The following TMEM131 variants were observed in gnomAD, a reference collection of about 807,000 sequenced individuals.
The protein encoded by TMEM131 is 2610524E03Rik.
TMEM131 carries 66 observed loss-of-function variants against 211.6 expected under a neutral mutation model. That is an observed-to-expected ratio of 0.31 (90% CI 0.26 to 0.38). The LOEUF is 0.38. Ranked by LOEUF, TMEM131 falls within the 10% of genes least tolerant of loss-of-function variation. TMEM131 has a pLI of 1.00. For synonymous variants in TMEM131, 844 were observed against 841.3 expected (o/e 1.00, Z -0.06); for missense variants, 2,036 against 2,299.3 (o/e 0.89, Z 2.34).
chr2:97,826,600 C>A (rs142927241), intron 11 of TMEM131, among the ~76,000 whole-genome samples: 4,441 of 138,164 alleles, frequency 0.032, 80 homozygotes, highest in Middle Eastern at 0.067. Flanking sequence ...GAGACAGAGA[C>A]AAAGAGGAAG....
Position 97,776,025 on chromosome 2 carries a change from A to AT in TMEM131, c.4145-8dup. On this transcript the variant is annotated splice_polypyrimidine_tract_variant and splice_region_variant and intron_variant, in intron 31 of 40. Coordinates refer to ENST00000186436, the MANE Select transcript of TMEM131 (RefSeq NM_015348.2). ...TGAAGAGGTTTTCCTTTCCCTGAGGATAAAAATTAAAGTAAAAGAACTCTT... is the reference window on the plus strand; with the variant it reads ...TGAAGAGGTTTTCCTTTCCCTGAGGATTAAAAATTAAAGTAAAAGAACTCTT... The AT allele has an allele frequency of 6.3e-7, 1 of 1,596,056 alleles. No homozygotes were observed. The highest frequency in any genetic ancestry group is 8.5e-7 in the Non-Finnish European group (1 of 1,174,854).
intron 3 of TMEM131, among the ~76,000 whole-genome samples, chr2:97,901,819 T>C (rs1211615519): frequency 6.6e-6 from 1 of 151,948 alleles, no homozygotes; most frequent in South Asian, 2.1e-4. Context: ...TGAAGAGAGG[T>C]AGGCTACTGG....
At chr2:97,923,639 A>T (rs1195766068) in intron 2 of TMEM131, among the ~76,000 whole-genome samples, 1 of 150,992 alleles carries the variant, frequency 6.6e-6, no homozygotes, top group African/African-American at 2.4e-5. Context: ...AAAAAAAAAA[A>T]AAAAAAAAAA....
rs77166002 is a variant in TMEM131 at position 97,982,031 on chromosome 2, C to T, written c.187+13445G>A. 3.9e-3 allele frequency among the ~76,000 whole-genome samples: 589 copies of T among 152,146 alleles called. 28 individuals are homozygous for T. In the East Asian group the frequency reaches 0.1, roughly 27 times the overall value. On this transcript the variant is annotated intron_variant, in intron 1 of 40. Coordinates refer to ENST00000186436, the MANE Select transcript of TMEM131 (RefSeq NM_015348.2). ...TTTTATGTGCAAGTTTTTGTGTTTT[C>T]GTTTCTTTGGAGTATATACTAAGGA...
At chr2:97,799,802 T>C (rs1307907159) in intron 25 of TMEM131, among the ~76,000 whole-genome samples, 1 of 152,216 alleles carries the variant, frequency 6.6e-6, no homozygotes, top group African/African-American at 2.4e-5. Flanking sequence ...AAATACTCCT[T>C]CTTTTTGTAA....
chr2:97,801,850 T>A, intron 25 of TMEM131, 45 bp downstream of exon 25: 1 of 1,381,000 alleles, frequency 7.2e-7, no homozygotes, highest in Non-Finnish European at 9.9e-7. Context: ...ATTGATCATA[T>A]TATAAAATAA....
intron 7 of TMEM131, among the ~76,000 whole-genome samples, chr2:97,839,783 A>G (rs553222812): frequency 6.6e-6 from 1 of 152,356 alleles, no homozygotes; most frequent in East Asian, 1.9e-4. Context: ...TGGCCACCCT[A>G]GCTGAATTAA....
At chr2:97,854,163 C>T (rs1673746049) in intron 5 of TMEM131, among the ~76,000 whole-genome samples, 1 of 152,202 alleles carries the variant, frequency 6.6e-6, no homozygotes, top group Non-Finnish European at 1.5e-5. Context: ...CCTGATCAGT[C>T]AGTGGCTGTC....
chr2:97,843,142 C>T (rs527307769), intron 6 of TMEM131, among the ~76,000 whole-genome samples: 44 of 151,528 alleles, frequency 2.9e-4, no homozygotes, highest in African/African-American at 1.0e-3. Flanking sequence ...GGCAGCACAG[C>T]ACAGTGGTAA....
At chr2:97,845,320 G>A (rs1683374414) in intron 5 of TMEM131, among the ~76,000 whole-genome samples, 1 of 151,946 alleles carries the variant, frequency 6.6e-6, no homozygotes, top group African/African-American at 2.4e-5. Context: ...CAGCTAACAT[G>A]TTTACACATT....
At chr2:97,779,274 G>A (rs915233312) in intron 31 of TMEM131, among the ~76,000 whole-genome samples, 1 of 152,332 alleles carries the variant, frequency 6.6e-6, no homozygotes, top group African/African-American at 2.4e-5. Flanking sequence ...GTTAGTGGGA[G>A]GGGAGACAAT....
At chr2:97,885,468 G>T (rs557512867) in intron 4 of TMEM131, among the ~76,000 whole-genome samples, 1 of 151,936 alleles carries the variant, frequency 6.6e-6, no homozygotes, top group Non-Finnish European at 1.5e-5. Flanking sequence ...GATTACAGGC[G>T]TGAGCCACCG....
chr2:97,801,813 T>C, intron 25 of TMEM131, 82 bp downstream of exon 25: 1 of 1,026,722 alleles, frequency 9.7e-7, no homozygotes, highest in Non-Finnish European at 1.4e-6. Context: ...AATTTAAGAG[T>C]AGCCAATAAT....
intron 1 of TMEM131, among the ~76,000 whole-genome samples, chr2:97,932,586 T>C (rs1345637769): frequency 6.6e-6 from 1 of 152,200 alleles, no homozygotes; most frequent in Non-Finnish European, 1.5e-5. Flanking sequence ...AAATTAATTT[T>C]ATAGCTAAAG....
chr2:97,995,391 G>A, intron 1 of TMEM131, 85 bp downstream of exon 1: 2 of 1,243,176 alleles, frequency 1.6e-6, no homozygotes, highest in Non-Finnish European at 2.0e-6. Context: ...CCCGGCCGCG[G>A]CCCTTCCTCC....
chr2:97,816,476 G>A (rs1573404340), intron 12 of TMEM131, among the ~76,000 whole-genome samples: 1 of 152,140 alleles, frequency 6.6e-6, no homozygotes. Flanking sequence ...TCCTCTTAGA[G>A]TACTTTAGGA....
rs1559345480 is a variant in TMEM131 at position 97,766,526 on chromosome 2, T to TGGAATGCAA, written c.4524_4525insTTGCATTCC (p.Pro1508_Thr1509insLeuHisSer). The stretch of plus-strand genomic sequence containing the variant: ...GATTTGGATCCACTTGTCATTGCAG[T>TGGAATGCAA]TGGAAGAGGAATCTTGCTTGGGAGA... On this transcript the variant is annotated inframe_insertion, in exon 34 of 41. Coordinates refer to ENST00000186436, the MANE Select transcript of TMEM131 (RefSeq NM_015348.2). The TGGAATGCAA allele has an allele frequency of 6.2e-7, 1 of 1,614,008 alleles. No homozygotes were observed. The highest frequency in any genetic ancestry group is 1.1e-5 in the South Asian group (1 of 91,082).
chr2:97,767,077 A>T (rs1490580437), intron 33 of TMEM131, among the ~76,000 whole-genome samples: 1 of 152,028 alleles, frequency 6.6e-6, no homozygotes, highest in East Asian at 1.9e-4. Context: ...AACTGAACAA[A>T]TTTTTCTCAT....
chr2:97,920,332 G>A (rs1050232522), intron 2 of TMEM131, among the ~76,000 whole-genome samples: 3 of 152,150 alleles, frequency 2.0e-5, no homozygotes, highest in Non-Finnish European at 2.9e-5. Context: ...AGAAAAAATC[G>A]TATCTAACCG....
Sources: gnomAD v4.1 joint callset for allele counts (sites outside exome capture counted in the v4.1 genomes callset) on GRCh38, gnomAD v4.1.1 for gene constraint, MANE v1.5 for transcripts, NCBI Gene and HGNC (gene_info 2026-07-23, HGNC 2026-07-21) for gene names.